The following SZT2 variants were observed in gnomAD, a reference collection of about 807,000 sequenced individuals.
The protein encoded by SZT2 is KICSTOR complex protein SZT2.
A neutral mutation model predicts 404.2 loss-of-function variants in SZT2; 216 were observed. That is an observed-to-expected ratio of 0.53 (90% confidence interval 0.48 to 0.60). SZT2 has a LOEUF of 0.60. Among genes scored for constraint, SZT2 ranks in the 20% least tolerant of loss-of-function variants. SZT2 has a pLI of 0.00. For synonymous variants in SZT2, 1,693 were observed against 1,749.9 expected (o/e 0.97, Z 0.81); for missense variants, 3,857 against 4,459.2 (o/e 0.86, Z 3.85).
Position 43,442,983 on chromosome 1 carries a change from G to A in SZT2, c.8316G>A (p.Thr2772=), listed in dbSNP as rs532810601. 212 of 1,614,104 alleles carry A rather than the reference G, an allele frequency of 1.3e-4. No homozygotes were observed. The highest frequency in any genetic ancestry group is 1.2e-3 in the Middle Eastern group (7 of 6,062). Residue 2772 remains threonine, a synonymous_variant, in exon 59 of 72, where the codon ACG becomes ACA. Transcript: ENST00000634258. This position sits in a 1 kb window ranked among gnomAD's most constrained non-coding sequence, Gnocchi z 4.5. ...TTGACGAGGCCCTAAGGGATATCACGGCTGCCCGCCCCAGCTCCGTACTTG... is the reference window on the plus strand; with the variant it reads ...TTGACGAGGCCCTAAGGGATATCACAGCTGCCCGCCCCAGCTCCGTACTTG... The part of the protein sequence containing the change: ...FPFDEALRDI[T]AARPSSVLGP...
Position 43,426,229 on chromosome 1 carries a change from T to G in SZT2, c.3043+78T>G. The G allele has an allele frequency of 1.3e-6, 2 of 1,535,628 alleles. No individual in the cohort carries two copies. Among genetic ancestry groups the G allele is most frequent in the East Asian group, 4.8e-5 (2 of 42,048 alleles). On this transcript the variant is annotated intron_variant, in intron 21 of 71. Coordinates refer to ENST00000634258, the MANE Select transcript of SZT2 (RefSeq NM_001365999.1). The surrounding 1 kb of genome is among the most constrained non-coding windows in gnomAD (Gnocchi z 4.9). ...GAAGTATTAGAAAATAACAAACAGA[T>G]GGGTCAGCAAGTGAGCAGATGAGTG...
In SZT2 at chr1:43,448,753, A is replaced by G. The variant is rs2153937062; in HGVS notation, c.10086+25A>G. The G allele has an allele frequency of 1.3e-6, 2 of 1,597,494 alleles. No homozygotes were observed. Among genetic ancestry groups the G allele is most frequent in the East Asian group, 4.5e-5 (2 of 44,806 alleles). ...GGTAAGTCCCCTTGAGCTTCCTCTG[A>G]AAAGGGAAACACAGCAGAAATCCTC... is the stretch of plus-strand genomic sequence containing the variant. On this transcript the variant is annotated intron_variant, in intron 70 of 71. Transcript: ENST00000634258. The surrounding 1 kb of genome is among the most constrained non-coding windows in gnomAD (Gnocchi z 4.2).
At chr1:43,394,738 C>T (rs982268927) in intron 1 of SZT2, among the ~76,000 whole-genome samples, 4 of 151,884 alleles carry the variant, frequency 2.6e-5, no homozygotes, top group Non-Finnish European at 4.4e-5. Context: ...ATTAGCCGGG[C>T]GTGGTGGCGC....
chr1:43,404,251 G>A (rs1650027868), intron 3 of SZT2, 129 bp from the exon 4 acceptor site: 2 of 761,956 alleles, frequency 2.6e-6, no homozygotes, highest in South Asian at 1.9e-5. Flanking sequence ...TGTTCCATGT[G>A]TGGCACTGTA....
At chr1:43,446,897 GT>G in intron 65 of SZT2, 57 bp from the exon 66 acceptor site, 1 of 1,551,956 alleles carries the variant, frequency 6.4e-7, no homozygotes. Context: ...AGGGAAATGT[GT>G]TTTGGGCAGC....
In SZT2 at chr1:43,430,774, C is replaced by G. The variant is rs1325473994; in HGVS notation, c.4759C>G (p.Leu1587Val). ...GCACAGCTCAGTACCTGTGTGCAGC[C>G]TGCCTACCTGCCTGGGTGAGTTTGA... ...GQHSSVPVCS[L>V]PTCLGQVLSS... Residue 1587 changes from leucine to valine, a missense_variant, in exon 32 of 72, where the codon CTG becomes GTG. Coordinates refer to ENST00000634258, the MANE Select transcript of SZT2 (RefSeq NM_001365999.1). 1 of 1,608,538 alleles carries G rather than the reference C, an allele frequency of 6.2e-7. No homozygotes were observed. Among genetic ancestry groups the G allele is most frequent in the Admixed American group, 1.7e-5 (1 of 59,950 alleles).
In SZT2 at chr1:43,451,709, GA is replaced by G; in HGVS notation, c.*1231del. 1 of 1,614,148 alleles carries G rather than the reference GA, an allele frequency of 6.2e-7. No individual in the cohort carries two copies. The highest frequency in any genetic ancestry group is 2.2e-5 in the East Asian group (1 of 44,880). ...GGTTCCCATCCATGATCTGCCAGTG[GA>G]ATATGTCCTAGGGAAGAGGATACTA... On this transcript the variant is annotated 3_prime_UTR_variant, in exon 72 of 72. Coordinates refer to ENST00000634258, the MANE Select transcript of SZT2 (RefSeq NM_001365999.1).
rs144699351 is a variant in SZT2 at position 43,441,717 on chromosome 1, C to T, written c.7641C>T (p.His2547=). Residue 2547 remains histidine, a synonymous_variant, in exon 55 of 72, where the codon CAC becomes CAT. Transcript: ENST00000634258. The surrounding 1 kb of genome is among the most constrained non-coding windows in gnomAD (Gnocchi z 4.8). The part of the protein sequence containing the change: ...GCASVSRSSA[H]MVSRFLLPSI... ...CCTCAGTGTCCAGAAGCTCTGCCCA[C>T]ATGGTGTCCCGGTTCCTCCTTCCAT... is the stretch of plus-strand genomic sequence containing the variant. The T allele has an allele frequency of 9.1e-5, 147 of 1,614,232 alleles. 2 individuals are homozygous for T. The African/African-American group carries it at 1.8e-3, about 20-fold the overall frequency.
chr1:43,451,495 G>T lies in SZT2; in HGVS notation c.*1015G>T. On this transcript the variant is annotated 3_prime_UTR_variant, in exon 72 of 72. Transcript: ENST00000634258. ...ACAGATAGGGGAAATTCAGCTCTCC[G>T]GGGCTGCTGGGCTCCCCTCGGCCTG... The T allele has an allele frequency of 6.2e-7, 1 of 1,614,088 alleles. No homozygotes were observed. Among genetic ancestry groups the T allele is most frequent in the Non-Finnish European group, 8.5e-7 (1 of 1,180,018 alleles).
At chr1:43,449,674 CTG>C (rs1656143603) in intron 70 of SZT2, 1 of 262,982 alleles carries the variant, frequency 3.8e-6, no homozygotes, top group Admixed American at 4.3e-5. Context: ...CAGGCGGTAA[CTG>C]AAGCCTTGGG....
rs1463062250 is a variant in SZT2 at position 43,425,536 on chromosome 1, A to G, written c.2708A>G (p.Asn903Ser). The G allele has an allele frequency of 5.6e-6, 9 of 1,614,064 alleles. No individual in the cohort carries two copies. Among genetic ancestry groups the G allele is most frequent in the South Asian group, 4.4e-5 (4 of 91,086 alleles). ...GCCCTGGAGGGAGACTCAGAGCTCA[A>G]TCTGGTCACTGAGGTGTGGGTGGAG... ...VEALEGDSEL[N>S]LVTEVWVEPQ... Residue 903 changes from asparagine to serine, a missense_variant, in exon 19 of 72, where the codon AAT becomes AGT. This residue lies in a region of SZT2 where 1,725 missense variants were observed against 1,881.0 expected (regional missense o/e 0.92). Transcript: ENST00000634258. The surrounding 1 kb of genome is among the most constrained non-coding windows in gnomAD (Gnocchi z 4.3).
In SZT2 at chr1:43,433,158, G is replaced by T. The variant is rs187188981; in HGVS notation, c.5772G>T (p.Leu1924=). The change falls in exon 40 of 72, where the codon CTG becomes CTT. Residue 1924 remains leucine (L), a synonymous_variant. Coordinates refer to ENST00000634258, the MANE Select transcript of SZT2 (RefSeq NM_001365999.1). Reference sequence around the variant, plus strand: ...ACTTCTGGCTCATTGTCCGGGTCCTGCAGGACCGTGTGGAAGTGTATGCAC... The same window carrying T: ...ACTTCTGGCTCATTGTCCGGGTCCTTCAGGACCGTGTGGAAGTGTATGCAC... The part of the protein sequence containing the change: ...LPDFWLIVRV[L]QDRVEVYAHA... The T allele has an allele frequency of 4.4e-5, 71 of 1,613,994 alleles. No homozygotes were observed. In the Middle Eastern group the frequency reaches 9.9e-4, roughly 23 times the overall value.
At chr1:43,404,255 C>T (rs1413401849) in intron 3 of SZT2, 125 bp from the exon 4 acceptor site, 5 of 769,164 alleles carry the variant, frequency 6.5e-6, no homozygotes, top group Non-Finnish European at 1.1e-5. Context: ...CCATGTGTGG[C>T]ACTGTATTTG....
rs959914487 is a variant in SZT2 at position 43,451,472 on chromosome 1, A to T, written c.*992A>T. On this transcript the variant is annotated 3_prime_UTR_variant, in exon 72 of 72. Transcript: ENST00000634258. ...GCCTTCATCTTCCAGCAGTTGAAACAGATAGGGGAAATTCAGCTCTCCGGG... is the reference window on the plus strand; with the variant it reads ...GCCTTCATCTTCCAGCAGTTGAAACTGATAGGGGAAATTCAGCTCTCCGGG... 2 of 1,614,120 alleles carry T rather than the reference A, an allele frequency of 1.2e-6. No homozygotes were observed. The highest frequency in any genetic ancestry group is 8.5e-7 in the Non-Finnish European group (1 of 1,180,026).
At chr1:43,393,084 G>A (rs551547071) in intron 1 of SZT2, among the ~76,000 whole-genome samples, 1 of 152,300 alleles carries the variant, frequency 6.6e-6, no homozygotes, top group South Asian at 2.1e-4. Context: ...TAAGAAATGG[G>A]GAGGCAAGGG....
At chr1:43,395,651 G>A (rs1373165228) in intron 1 of SZT2, among the ~76,000 whole-genome samples, 2 of 152,170 alleles carry the variant, frequency 1.3e-5, no homozygotes, top group Admixed American at 6.5e-5. Flanking sequence ...CACTTACTCA[G>A]TGTGTAATTA....
At chr1:43,431,228 T>A in intron 33 of SZT2, 37 bp from the exon 34 acceptor site, 1 of 1,569,926 alleles carries the variant, frequency 6.4e-7, no homozygotes, top group Non-Finnish European at 8.6e-7. Flanking sequence ...GGTAGGATAG[T>A]AACTCCTGAC....
chr1:43,391,499 A>T (rs954588039), intron 1 of SZT2, among the ~76,000 whole-genome samples: 2 of 152,226 alleles, frequency 1.3e-5, no homozygotes, highest in African/African-American at 4.8e-5. Context: ...CCAACATTGA[A>T]TATGGTGGTA....
In SZT2 at chr1:43,427,384, A is replaced by G. The variant is rs753675822; in HGVS notation, c.3537A>G (p.Gly1179=). ...WSGAPSLKDL[G]GTGIKATKSH... The stretch of plus-strand genomic sequence containing the variant: ...GGGCTCCCAGTCTGAAAGATCTAGG[A>G]GGAACTGGGATCAAAGCTACAAAGT... The change falls in exon 25 of 72, where the codon GGA becomes GGG. Residue 1179 remains glycine, a synonymous_variant. Coordinates refer to ENST00000634258, the MANE Select transcript of SZT2 (RefSeq NM_001365999.1). 31 of 1,613,944 alleles carry G rather than the reference A, an allele frequency of 1.9e-5. No homozygotes were observed. The highest frequency in any genetic ancestry group is 2.5e-5 in the Non-Finnish European group (29 of 1,180,008).
Sources: gnomAD v4.1 joint callset for allele counts (sites outside exome capture counted in the v4.1 genomes callset) on GRCh38, gnomAD v4.1.1 for gene constraint, gnomAD v4.1.1 regional missense constraint, Gnocchi (gnomAD v3.1) non-coding constraint, MANE v1.5 for transcripts, NCBI Gene and HGNC (gene_info 2026-07-23, HGNC 2026-07-21) for gene names.